The following SLC35D1 variants were observed in gnomAD, a reference collection of about 807,000 sequenced individuals.
SLC35D1 encodes the protein solute carrier family 35 member D1, also known as nucleotide sugar transporter SLC35D1.
Under a neutral mutation model 46.7 loss-of-function variants are expected in SLC35D1, and 31 were observed. The observed-to-expected ratio is 0.66, with a 90% CI of 0.50 to 0.90. SLC35D1 has a LOEUF of 0.90. Ranked by LOEUF, SLC35D1 falls within the 40% of genes least tolerant of loss-of-function variation. The pLI is 0.00. For missense variants in SLC35D1, 397 were observed against 426.2 expected, an observed-to-expected ratio of 0.93 and a Z score of 0.60; for synonymous variants, 195 against 164.6, an observed-to-expected ratio of 1.18 and a Z score of -1.41.
At chr1:67,041,220 T>C (rs1441390561) in intron 8 of SLC35D1, among the ~76,000 whole-genome samples, 1 of 152,194 alleles carries the variant, frequency 6.6e-6, no homozygotes, top group Non-Finnish European at 1.5e-5. Context: ...ATTAGAGAAA[T>C]AGCCGTTTCC....
At chr1:66,996,916 T>C (rs1238859310), downstream of SLC35D1, among the ~76,000 whole-genome samples, 1 of 152,234 alleles carries the variant, frequency 6.6e-6, no homozygotes, top group Non-Finnish European at 1.5e-5. Context: ...CAACAAATGG[T>C]GTTGGGAAAA....
At chr1:67,027,715 C>G (rs2102301266) in intron 8 of SLC35D1, among the ~76,000 whole-genome samples, 1 of 152,044 alleles carries the variant, frequency 6.6e-6, no homozygotes, top group South Asian at 2.1e-4. Flanking sequence ...AGAAATTTTC[C>G]TATGTTGTAG....
At chr1:67,053,714 T>G (rs1645337599) in intron 1 of SLC35D1, 97 bp downstream of exon 1, 15 of 1,206,064 alleles carry the variant, frequency 1.2e-5, no homozygotes, top group Non-Finnish European at 1.6e-5. Context: ...TTTGTTCGGC[T>G]TTAACTTTGG....
chr1:66,990,495 G>A, the SLC35D1 span, among the ~76,000 whole-genome samples: 1 of 151,996 alleles, frequency 6.6e-6, no homozygotes, highest in African/African-American at 2.4e-5. Context: ...TCAAACTCCT[G>A]GGTTCAAGCA....
At chr1:67,038,472 A>G (rs549246805) in intron 8 of SLC35D1, among the ~76,000 whole-genome samples, 1 of 152,180 alleles carries the variant, frequency 6.6e-6, no homozygotes, top group African/African-American at 2.4e-5. Context: ...TTCCATCTCT[A>G]TGTAAGAACA....
chr1:67,010,713 T>C (rs1006067613), intron 10 of SLC35D1, among the ~76,000 whole-genome samples: 2 of 152,220 alleles, frequency 1.3e-5, no homozygotes, highest in Non-Finnish European at 1.5e-5. Flanking sequence ...TTGAATATCA[T>C]GTTGGCATTC....
intron 7 of SLC35D1, among the ~76,000 whole-genome samples, chr1:67,043,482 C>T (rs1645218114): frequency 6.6e-6 from 1 of 152,088 alleles, no homozygotes. Context: ...CCAAGGGAGG[C>T]TGCAGTGAGC....
the SLC35D1 span, chr1:66,986,068 GTGATACTTAGATAT>G: frequency 2.1e-5 from 22 of 1,027,044 alleles, no homozygotes; most frequent in Non-Finnish European, 2.4e-5. Context: ...GGGGGGTCAA[GTGATACTTAGATAT>G]TGGCACACAC....
chr1:66,994,613 C>T (rs1667219004), downstream of SLC35D1, among the ~76,000 whole-genome samples: 3 of 150,796 alleles, frequency 2.0e-5, no homozygotes, highest in Admixed American at 2.0e-4. Context: ...CACTGCACTC[C>T]AGCCTGGGCG....
chr1:67,053,913 G>A lies in SLC35D1; in HGVS notation c.101C>T (p.Ala34Val). The change falls in exon 1 of 12, where the codon GCC becomes GTC. Residue 34 changes from alanine (A) to valine (V), a missense_variant. By Grantham distance (64) the Ala-to-Val change is moderately conservative. Coordinates refer to ENST00000235345, the MANE Select transcript of SLC35D1 (RefSeq NM_015139.3). ...RDEEELGMASAETLTVFLKLL... is the reference protein window; with the variant it reads ...RDEEELGMASVETLTVFLKLL... ...CTTCAGAAACACGGTCAGCGTTTCG[G>A]CCGACGCCATCCCCAGCTCCTCCTC... 1 of 1,613,794 alleles carries A rather than the reference G, an allele frequency of 6.2e-7. No individual in the cohort carries two copies.
intron 8 of SLC35D1, among the ~76,000 whole-genome samples, chr1:67,039,202 G>C (rs1423152008): frequency 6.6e-6 from 1 of 152,108 alleles, no homozygotes; most frequent in African/African-American, 2.4e-5. Context: ...TCAAGAGTCT[G>C]CAACTTAGGA....
At position 67,000,090 on chromosome 1, in the gene SLC35D1, G is replaced by A. The variant is rs1348077918; in HGVS notation, c.*4250C>T. On this transcript the variant is annotated 3_prime_UTR_variant, in exon 12 of 12. Coordinates refer to ENST00000235345, the MANE Select transcript of SLC35D1 (RefSeq NM_015139.3). The stretch of plus-strand genomic sequence containing the variant: ...TTTGAGACCAGTCTGGCAACAGAGT[G>A]AGACCCTGTCTTTACCAGAAAAAAA... 1 of 148,338 alleles carries A rather than the reference G, an allele frequency of 6.7e-6. No homozygotes were observed. The highest frequency in any genetic ancestry group is 1.9e-4 in the East Asian group (1 of 5,136). The allele number at this position is 148,338 out of a possible 1,614,324, so 9.2% of individuals were successfully genotyped here. A position where few individuals can be genotyped will look rare whatever the true frequency, so the allele number is the denominator to read the frequency against.
intron 11 of SLC35D1, among the ~76,000 whole-genome samples, chr1:67,005,073 C>T (rs894270845): frequency 2.0e-5 from 3 of 152,180 alleles, no homozygotes; most frequent in African/African-American, 7.2e-5. Context: ...TTGGTCCATT[C>T]TCTGTGGGGA....
chr1:66,991,697 T>A, the SLC35D1 span, among the ~76,000 whole-genome samples: 1 of 152,232 alleles, frequency 6.6e-6, no homozygotes, highest in East Asian at 1.9e-4. Context: ...TGCATTTCCT[T>A]ATCTCCAACT....
the SLC35D1 span, among the ~76,000 whole-genome samples, chr1:66,989,675 G>A: frequency 1.3e-5 from 2 of 152,040 alleles, no homozygotes; most frequent in Non-Finnish European, 2.9e-5. Context: ...ATGTTGCCCC[G>A]GCCACTCTGG....
chr1:67,052,177 T>G, intron 3 of SLC35D1, 98 bp from the exon 4 acceptor site: 1 of 889,914 alleles, frequency 1.1e-6, no homozygotes, highest in Admixed American at 1.9e-5. Context: ...GATCAAAATT[T>G]TTTCCACTTA....
the SLC35D1 span, chr1:66,987,957 A>AATG: frequency 6.6e-6 from 1 of 152,272 alleles, no homozygotes; most frequent in African/African-American, 2.4e-5. Context: ...ATTTAAAAAT[A>AATG]ATGTGTTCCC....
chr1:67,032,085 C>T (rs956936607), intron 8 of SLC35D1: 8 of 985,256 alleles, frequency 8.1e-6, no homozygotes, highest in Middle Eastern at 5.2e-4. Context: ...CTGGAATCTT[C>T]GGTCTTGGCT....
intron 11 of SLC35D1, among the ~76,000 whole-genome samples, chr1:67,004,963 T>C (rs1320596617): frequency 1.3e-5 from 2 of 152,210 alleles, no homozygotes; most frequent in Non-Finnish European, 1.5e-5. Flanking sequence ...GGGGAACTTA[T>C]CATCTGGGCC....
Sources: gnomAD v4.1 joint callset for allele counts (sites outside exome capture counted in the v4.1 genomes callset) on GRCh38, gnomAD v4.1.1 for gene constraint, MANE v1.5 for transcripts, NCBI Gene and HGNC (gene_info 2026-07-23, HGNC 2026-07-21) for gene names.